PCDHA6: variants seen among roughly 807,000 people sequenced by gnomAD.
The protein encoded by PCDHA6 is protocadherin alpha 6, also known as protocadherin alpha-6.
PCDHA6 carries 55 observed loss-of-function variants against 60.3 expected under a neutral mutation model. The observed-to-expected ratio is 0.91, with a 90% CI of 0.73 to 1.14. PCDHA6 has a LOEUF of 1.14. Among genes scored for constraint, PCDHA6 ranks in the 50% most tolerant of loss-of-function variants. The pLI, the probability that PCDHA6 is intolerant of heterozygous loss-of-function variation, is 0.00. For synonymous variants in PCDHA6, 652 were observed against 557.9 expected (o/e 1.17, Z -2.38); for missense variants, 1,327 against 1,256.5 (o/e 1.06, Z -0.85).
chr5:140,981,612 T>C (rs2096940396), intron 2 of PCDHA6, among the ~76,000 whole-genome samples: 1 of 152,110 alleles, frequency 6.6e-6, no homozygotes, highest in Non-Finnish European at 1.5e-5. Context: ...CCTCTAATTT[T>C]GATGAGGGTT....
intron 1 of PCDHA6, among the ~76,000 whole-genome samples, chr5:140,839,552 A>G (rs2150298794): frequency 0.059 from 9,014 of 151,912 alleles, 957 homozygotes; most frequent in African/African-American, 0.21. Flanking sequence ...ACCATGCCCA[A>G]CTAATTTTTG....
Position 140,841,598 on chromosome 5 carries a change from G to T in PCDHA6, c.2394+11113G>T, listed in dbSNP as rs2150318945. 1.9e-6 allele frequency: 3 copies of T among 1,614,142 alleles called. No homozygotes were observed. The South Asian group carries it at 3.3e-5, about 18-fold the overall frequency. On this transcript the variant is annotated intron_variant, in intron 1 of 3. Coordinates refer to ENST00000529310, the MANE Select transcript of PCDHA6 (RefSeq NM_018909.4). ...GTTTGTGAATTCTCGGATCGACCGCGAGGAGCTGTGCGGGCGGAGCGCGGA... is the reference window on the plus strand; with the variant it reads ...GTTTGTGAATTCTCGGATCGACCGCTAGGAGCTGTGCGGGCGGAGCGCGGA...
intron 1 of PCDHA6, among the ~76,000 whole-genome samples, chr5:140,954,779 G>T (rs2095086497): frequency 6.6e-6 from 1 of 152,108 alleles, no homozygotes; most frequent in Non-Finnish European, 1.5e-5. Flanking sequence ...AATTTAATTA[G>T]ATCTCATTTG....
intron 1 of PCDHA6, among the ~76,000 whole-genome samples, chr5:140,945,480 C>A (rs2093795468): frequency 6.6e-6 from 1 of 151,728 alleles, no homozygotes; most frequent in South Asian, 2.1e-4. Context: ...CACAAAACAC[C>A]CCAAATACCC....
At chr5:140,850,361 C>T in intron 1 of PCDHA6, 1 of 1,597,860 alleles carries the variant, frequency 6.3e-7, no homozygotes, top group Non-Finnish European at 8.6e-7. Flanking sequence ...GCATCCCGTT[C>T]CGCGTGGGGC....
intron 1 of PCDHA6, chr5:140,882,524 G>C (rs1340644606): frequency 9.9e-6 from 16 of 1,614,090 alleles, no homozygotes; most frequent in African/African-American, 2.7e-5. Context: ...CATTTTGTTT[G>C]TGAATTCTCG....
chr5:140,918,901 CTT>C (rs1386679785), intron 1 of PCDHA6, among the ~76,000 whole-genome samples: 6 of 152,198 alleles, frequency 3.9e-5, no homozygotes, highest in African/African-American at 1.4e-4. Flanking sequence ...ATAAATCTCT[CTT>C]GTTTATTAAC....
chr5:140,860,895 G>A (rs185431284), intron 1 of PCDHA6: 2,100 of 152,348 alleles, frequency 0.014, 26 homozygotes, highest in Non-Finnish European at 0.02. Flanking sequence ...CCGCCAACAC[G>A]CCAGGCTAAT....
At chr5:140,848,653 GGCTGGA>G (rs2150416251) in intron 1 of PCDHA6, 2 of 1,592,726 alleles carry the variant, frequency 1.3e-6, no homozygotes, top group Non-Finnish European at 1.7e-6. Context: ...CAGGACCTGG[GGCTGGA>G]GCTGGCGGAG....
At chr5:141,008,428 T>C (rs2098376052) in intron 3 of PCDHA6, among the ~76,000 whole-genome samples, 1 of 152,182 alleles carries the variant, frequency 6.6e-6, no homozygotes, top group Admixed American at 6.5e-5. Flanking sequence ...TGGGATCACT[T>C]TGCCCAGACA....
rs373601874 is a variant in PCDHA6, at chr5:140,873,473, C to T, written c.2394+42988C>T. ...TTTGCATTTTAGATAATTCAAATTACTTGGACTGATTTCTGCAAAGTTGTG... is the reference window on the plus strand; with the variant it reads ...TTTGCATTTTAGATAATTCAAATTATTTGGACTGATTTCTGCAAAGTTGTG... On this transcript the variant is annotated intron_variant, in intron 1 of 3. Transcript: ENST00000529310. Among the ~76,000 whole-genome samples the T allele has an allele frequency of 1.5e-4, 23 of 152,180 alleles. No homozygotes were observed. The East Asian group carries it at 2.3e-3, about 15-fold the overall frequency.
At chr5:140,896,517 A>G (rs1300184594) in intron 1 of PCDHA6, among the ~76,000 whole-genome samples, 1 of 149,680 alleles carries the variant, frequency 6.7e-6, no homozygotes, top group African/African-American at 2.5e-5. Flanking sequence ...GGCACACACC[A>G]CAAAGCCCAG....
chr5:140,869,243 G>A (rs1554162716), intron 1 of PCDHA6: 10 of 1,613,544 alleles, frequency 6.2e-6, no homozygotes, highest in African/African-American at 2.7e-5. Flanking sequence ...TTCGTGGGCC[G>A]CATCGCGCAG....
At chr5:140,898,864 A>C (rs1401711928) in intron 1 of PCDHA6, among the ~76,000 whole-genome samples, 3 of 149,656 alleles carry the variant, frequency 2.0e-5, no homozygotes, top group African/African-American at 7.5e-5. Flanking sequence ...CTTTTATTTC[A>C]TTGAGCAGTG....
At chr5:140,887,829 G>A (rs2061597831) in intron 1 of PCDHA6, among the ~76,000 whole-genome samples, 1 of 151,932 alleles carries the variant, frequency 6.6e-6, no homozygotes, top group Non-Finnish European at 1.5e-5. Flanking sequence ...GCCTCATTTT[G>A]AATATCTTTT....
Position 140,828,948 on chromosome 5 carries a change from C to T in PCDHA6, c.857C>T (p.Ala286Val), listed in dbSNP as rs2150161275. The T allele has an allele frequency of 2.9e-4, 471 of 1,614,172 alleles. 5 individuals carry two copies. The South Asian group carries it at 4.8e-3, about 17-fold the overall frequency. Reference sequence around the variant, plus strand: ...TCATATTCTTTTAATAGCCTTGTTGCAGCCATGGTTATTGACCACTTTAGC... The same window carrying T: ...TCATATTCTTTTAATAGCCTTGTTGTAGCCATGGTTATTGACCACTTTAGC... ...AISYSFNSLV[A>V]AMVIDHFSID... Residue 286 changes from alanine to valine, a missense_variant, in exon 1 of 4, where the codon GCA (alanine) becomes GTA (valine). Coordinates refer to ENST00000529310, the MANE Select transcript of PCDHA6 (RefSeq NM_018909.4).
At chr5:140,879,173 G>T (rs1010561937) in intron 1 of PCDHA6, among the ~76,000 whole-genome samples, 2 of 152,160 alleles carry the variant, frequency 1.3e-5, no homozygotes, top group South Asian at 2.1e-4. Context: ...AATAAATTAG[G>T]TATCAAGTAA....
chr5:140,914,755 T>G (rs1175753765), intron 1 of PCDHA6, among the ~76,000 whole-genome samples: 1 of 152,270 alleles, frequency 6.6e-6, no homozygotes, highest in East Asian at 1.9e-4. Flanking sequence ...CCATTTGAGG[T>G]TACATGAGGT....
At chr5:140,898,900 C>T (rs1257410263) in intron 1 of PCDHA6, among the ~76,000 whole-genome samples, 2 of 151,396 alleles carry the variant, frequency 1.3e-5, no homozygotes, top group Non-Finnish European at 3.0e-5. Context: ...TGAAGAGGTC[C>T]TTCACGTCCC....
Sources: gnomAD v4.1 joint callset for allele counts (sites outside exome capture counted in the v4.1 genomes callset) on GRCh38, gnomAD v4.1.1 for gene constraint, MANE v1.5 for transcripts, NCBI Gene and HGNC (gene_info 2026-07-23, HGNC 2026-07-21) for gene names.